The following RADIL variants were observed in gnomAD, a reference collection of about 807,000 sequenced individuals.
RADIL encodes Rap associating with DIL domain.
A neutral mutation model predicts 97.6 loss-of-function variants in RADIL; 99 were observed. That is an observed-to-expected ratio of 1.01 (90% confidence interval 0.86 to 1.20). RADIL has a LOEUF of 1.20. RADIL is among the 50% of genes most tolerant of loss of function. The probability of loss-of-function intolerance (pLI) is 0.00; values close to 1 mark genes in which losing one functional copy is unlikely to be tolerated. For synonymous variants in RADIL, 803 were observed against 691.8 expected, an observed-to-expected ratio of 1.16 and a Z score of -2.52; for missense variants, 1,765 against 1,498.9, an observed-to-expected ratio of 1.18 and a Z score of -2.93.
rs1348230411 is a variant in RADIL, at chr7:4,815,978, G to A, written c.1966+250C>T. Among the ~76,000 whole-genome samples, 2 of 152,210 alleles carry A rather than the reference G, an allele frequency of 1.3e-5. No individual in the cohort carries two copies. The highest frequency in any genetic ancestry group is 2.4e-5 in the African/African-American group (1 of 41,452). ...CCCGTTCCCTCCCTGTCACGGGGAA[G>A]GGGTCCCATGCAGACCTCTCGGCCG... On this transcript the variant is annotated intron_variant, in intron 8 of 14. Transcript: ENST00000399583. The surrounding 1 kb of genome is among the most constrained non-coding windows in gnomAD (Gnocchi z 8.0).
Position 4,801,746 on chromosome 7 carries a change from G to T in RADIL, c.2749C>A (p.Pro917Thr). The change falls in exon 12 of 15, where the codon CCC (proline) becomes ACC (threonine). Residue 917 changes from proline (P) to threonine (T), a missense_variant. Pro to Thr is a conservative substitution (Grantham distance 38). Transcript: ENST00000399583. ...GGGCCGCCGGACTCTGGCCAGTCGG[G>T]GTCCCCAGGCTCAGGGCCAAGTGGA... ...STPLGPEPGD[P>T]DWPESGGPCG... The T allele has an allele frequency of 6.2e-7, 1 of 1,610,618 alleles. No individual in the cohort carries two copies. Among genetic ancestry groups the T allele is most frequent in the Middle Eastern group, 1.7e-4 (1 of 6,046 alleles).
intron 2 of RADIL, chr7:4,861,360 C>T (rs17853680): frequency 6.2e-7 from 1 of 1,614,120 alleles, no homozygotes; most frequent in Non-Finnish European, 8.5e-7. Context: ...AATGCCTCCT[C>T]GACAGCCCTT....
intron 5 of RADIL, among the ~76,000 whole-genome samples, chr7:4,829,143 T>C (rs771906878): frequency 2.0e-5 from 3 of 151,510 alleles, no homozygotes; most frequent in Non-Finnish European, 4.4e-5. Context: ...GCCCACAAGA[T>C]GTCAGGTGCC....
At position 4,837,886 on chromosome 7, in the gene RADIL, G is replaced by A. The variant is rs1197469182; in HGVS notation, c.536-1281C>T. ...GAGCCCTCTGCTGAGTTCCCTGTAC[G>A]CAGCCTTTCAGGTTAAGATCCATCC... On this transcript the variant is annotated intron_variant, in intron 2 of 14. Transcript: ENST00000399583. The surrounding 1 kb of genome is among the most constrained non-coding windows in gnomAD (Gnocchi z 5.6). 2 of 985,374 alleles carry A rather than the reference G, an allele frequency of 2.0e-6. No homozygotes were observed. The highest frequency in any genetic ancestry group is 1.1e-4 in the East Asian group (1 of 8,796). The allele number at this position is 985,374 out of a possible 1,614,324, so 61.0% of individuals were successfully genotyped here. A position where few individuals can be genotyped will look rare whatever the true frequency, so the allele number is the denominator to read the frequency against.
rs960845563 is a variant in RADIL at position 4,837,308 on chromosome 7, G to A, written c.536-703C>T. Among the ~76,000 whole-genome samples the A allele has an allele frequency of 6.6e-6, 1 of 152,180 alleles. No homozygotes were observed. Among genetic ancestry groups the A allele is most frequent in the African/African-American group, 2.4e-5 (1 of 41,450 alleles). On this transcript the variant is annotated intron_variant, in intron 2 of 14. Coordinates refer to ENST00000399583, the MANE Select transcript of RADIL (RefSeq NM_018059.5). The surrounding 1 kb of genome is among the most constrained non-coding windows in gnomAD (Gnocchi z 5.6). ...GCCTGGGCCTCTGCAGGGTCACCAC[G>A]CCGCCTCCAGAGCCCTGCCCCATCC... is the stretch of plus-strand genomic sequence containing the variant.
chr7:4,861,089 A>T lies in RADIL; in HGVS notation c.535+16516T>A, dbSNP rs781420976. 5.0e-6 allele frequency: 8 copies of T among 1,614,138 alleles called. No individual in the cohort carries two copies. The African/African-American group carries it at 1.1e-4, about 22-fold the overall frequency. On this transcript the variant is annotated intron_variant, in intron 2 of 14. Transcript: ENST00000399583. ...GGAAACACCTCCGAGGAAACCTAAT[A>T]TATTGGAATAGATATTGTGGCACTT... is the stretch of plus-strand genomic sequence containing the variant.
chr7:4,808,541 AAAG>A (rs1220409504), intron 9 of RADIL: 9 of 971,082 alleles, frequency 9.3e-6, no homozygotes, highest in South Asian at 4.8e-5. Context: ...AAAACAAAAC[AAAG>A]AAGGAGATGG....
chr7:4,854,065 T>C lies in RADIL; in HGVS notation c.536-17460A>G, dbSNP rs1402585355. On this transcript the variant is annotated intron_variant, in intron 2 of 14. Transcript: ENST00000399583. The surrounding 1 kb of genome is among the most constrained non-coding windows in gnomAD (Gnocchi z 5.1). ...GCAGTTTGCAGGTACACCTTTGCCA[T>C]TCCCCGTCTTCCTTCTTTCTTCCTG... is the stretch of plus-strand genomic sequence containing the variant. Among the ~76,000 whole-genome samples the C allele has an allele frequency of 2.0e-5, 3 of 152,186 alleles. No homozygotes were observed. The highest frequency in any genetic ancestry group is 4.4e-5 in the Non-Finnish European group (3 of 68,024).
chr7:4,827,821 G>C (rs1352213080), intron 5 of RADIL, among the ~76,000 whole-genome samples: 2 of 151,864 alleles, frequency 1.3e-5, no homozygotes, highest in African/African-American at 4.8e-5. Context: ...CTGATCTGGA[G>C]AACTAAGAAA....
At position 4,801,841 on chromosome 7, in the gene RADIL, G is replaced by A. The variant is rs778892687; in HGVS notation, c.2654C>T (p.Pro885Leu). ...GCCAGCCTGGGAGCCCCCACGGCTGGGTTGCCTTCCAGGGGGGGCCTGTGC... is the reference window on the plus strand; with the variant it reads ...GCCAGCCTGGGAGCCCCCACGGCTGAGTTGCCTTCCAGGGGGGGCCTGTGC... ...PWAQAPPGRQ[P>L]SRGGSQAGPP... Residue 885 changes from proline to leucine, a missense_variant, in exon 12 of 15, where the codon CCC becomes CTC. Transcript: ENST00000399583. 15 of 1,600,360 alleles carry A rather than the reference G, an allele frequency of 9.4e-6. No individual in the cohort carries two copies. Among genetic ancestry groups the A allele is most frequent in the Non-Finnish European group, 1.2e-5 (14 of 1,174,230 alleles).
intron 2 of RADIL, among the ~76,000 whole-genome samples, chr7:4,852,230 TGATA>T (rs1235747944): frequency 6.6e-6 from 1 of 152,142 alleles, no homozygotes; most frequent in East Asian, 1.9e-4. Context: ...AGGAAGTGGC[TGATA>T]GACATGCTAC....
intron 9 of RADIL, chr7:4,808,553 G>A: frequency 2.1e-6 from 2 of 973,118 alleles, no homozygotes; most frequent in Non-Finnish European, 2.4e-6. Context: ...AGAAGGAGAT[G>A]GGACATAGAC....
intron 2 of RADIL, among the ~76,000 whole-genome samples, chr7:4,836,990 G>A (rs1250859012): frequency 6.6e-6 from 1 of 152,090 alleles, no homozygotes; most frequent in Non-Finnish European, 1.5e-5. Flanking sequence ...GGGTCCTTCT[G>A]AGTTCAAATC....
At chr7:4,805,828 T>G in intron 9 of RADIL, 112 bp from the exon 10 acceptor site, 1 of 1,451,006 alleles carries the variant, frequency 6.9e-7, no homozygotes, top group Non-Finnish European at 9.1e-7. Flanking sequence ...GGCCCTGTGG[T>G]CCTCACTCCC....
chr7:4,861,850 C>CGCGACCTTCACGTCCCCCACCACT, intron 2 of RADIL: 1 of 1,351,110 alleles, frequency 7.4e-7, no homozygotes, highest in Non-Finnish European at 9.7e-7. Context: ...CCCCCACCAC[C>CGCGACCTTCACGTCCCCCACCACT]GCGACCTTCG....
chr7:4,815,399 C>T lies in RADIL; in HGVS notation c.2018G>A (p.Arg673His), dbSNP rs774115748. 5.6e-5 allele frequency: 87 copies of T among 1,562,852 alleles called. No homozygotes were observed. The highest frequency in any genetic ancestry group is 6.4e-5 in the Non-Finnish European group (74 of 1,153,614). Residue 673 changes from arginine to histidine, a missense_variant, in exon 9 of 15, where the codon CGC becomes CAC. Transcript: ENST00000399583. The surrounding 1 kb of genome is among the most constrained non-coding windows in gnomAD (Gnocchi z 8.0). ...HWPRGVQACARLQQLLEWMRS... is the reference protein window; with the variant it reads ...HWPRGVQACAHLQQLLEWMRS... Reference sequence around the variant, plus strand: ...CATCCACTCCAGGAGCTGCTGCAGGCGGGCGCAGGCCTGGACACCTCTGGG... The same window carrying T: ...CATCCACTCCAGGAGCTGCTGCAGGTGGGCGCAGGCCTGGACACCTCTGGG...
At position 4,799,389 on chromosome 7, in the gene RADIL, G is replaced by A. The variant is rs770434987; in HGVS notation, c.3217C>T (p.Pro1073Ser). 4.6e-5 allele frequency: 74 copies of A among 1,613,626 alleles called. No homozygotes were observed. Among genetic ancestry groups the A allele is most frequent in the South Asian group, 6.6e-5 (6 of 91,084 alleles). Residue 1073 changes from proline (P) to serine (S), a missense_variant, in exon 15 of 15, where the codon CCC becomes TCC. By Grantham distance (74) the Pro-to-Ser change is moderately conservative (BLOSUM62 -1). Coordinates refer to ENST00000399583, the MANE Select transcript of RADIL (RefSeq NM_018059.5). ...ETAKKIHFRT[P>S]PL Reference sequence around the variant, plus strand: ...TCCTCGCAGCCCCCCTAGAGAGGGGGCGTGCGGAAATGGATCTTCTTGGCT... The same window carrying A: ...TCCTCGCAGCCCCCCTAGAGAGGGGACGTGCGGAAATGGATCTTCTTGGCT...
chr7:4,836,201 C>T (rs529505175), intron 3 of RADIL, among the ~76,000 whole-genome samples, 157 bp downstream of exon 3: 21 of 152,366 alleles, frequency 1.4e-4, no homozygotes, highest in Admixed American at 4.6e-4. Flanking sequence ...CATGTGCCCC[C>T]GCCATCCCAC....
rs142324382 is a variant in RADIL, at chr7:4,846,887, T to C, written c.536-10282A>G. Among the ~76,000 whole-genome samples the C allele has an allele frequency of 6.6e-5, 10 of 152,226 alleles. No individual in the cohort carries two copies. The East Asian group carries it at 1.9e-3, about 29-fold the overall frequency. ...AATGGACAAGGATTTGAATAAACATTTCTTCAAAGAATAAATATACATGGC... is the reference window on the plus strand; with the variant it reads ...AATGGACAAGGATTTGAATAAACATCTCTTCAAAGAATAAATATACATGGC... On this transcript the variant is annotated intron_variant, in intron 2 of 14. Coordinates refer to ENST00000399583, the MANE Select transcript of RADIL (RefSeq NM_018059.5).
Sources: allele counts gnomAD v4.1 joint callset (sites outside exome capture counted in the v4.1 genomes callset), GRCh38; gene constraint gnomAD v4.1.1; non-coding constraint Gnocchi (gnomAD v3.1); transcripts MANE v1.5; gene names NCBI Gene and HGNC (gene_info 2026-07-23, HGNC 2026-07-21).